The following AK4 variants were observed in gnomAD, a reference collection of about 807,000 sequenced individuals.
AK4 encodes the protein adenylate kinase 4, mitochondrial.
Under a neutral mutation model 24.6 loss-of-function variants are expected in AK4, and 13 were observed. The ratio of observed to expected loss-of-function variants is 0.53; its 90% CI spans 0.34 to 0.84. The LOEUF (loss-of-function observed/expected upper bound fraction) is 0.84, where lower values mean the gene tolerates loss of function less well. Among genes scored for constraint, AK4 ranks in the 40% least tolerant of loss-of-function variants. The pLI is 0.01. For missense variants in AK4, 192 were observed against 288.2 expected (o/e 0.67, Z 2.42); for synonymous variants, 88 against 107.0 (o/e 0.82, Z 1.10).
intron 1 of AK4, among the ~76,000 whole-genome samples, chr1:65,187,273 A>G (rs998534774): frequency 8.2e-5 from 12 of 146,808 alleles, no homozygotes; most frequent in Admixed American, 2.8e-4. Context: ...GTGTGAACCC[A>G]GGAGGCAGAG....
intron 3 of AK4, among the ~76,000 whole-genome samples, chr1:65,221,083 A>G (rs1211964751): frequency 6.6e-6 from 1 of 152,220 alleles, no homozygotes; most frequent in East Asian, 1.9e-4. Context: ...GTGTAAAGGT[A>G]TATGTGTAAA....
chr1:65,174,972 C>T (rs935852343), intron 1 of AK4, among the ~76,000 whole-genome samples: 3 of 151,916 alleles, frequency 2.0e-5, no homozygotes, highest in African/African-American at 7.3e-5. Flanking sequence ...TTAATGTGCT[C>T]CATGGTAGGA....
chr1:65,216,860 A>G (rs1169218130), intron 2 of AK4, among the ~76,000 whole-genome samples: 1 of 123,948 alleles, frequency 8.1e-6, no homozygotes, highest in Non-Finnish European at 1.5e-5. Flanking sequence ...CAGTAAAAGC[A>G]ATTTTTTAAT....
At position 65,224,464 on chromosome 1, in the gene AK4, A is replaced by G. The variant is rs534273272; in HGVS notation, c.439-288A>G. Among the ~76,000 whole-genome samples, 6 of 152,324 alleles carry G rather than the reference A, an allele frequency of 3.9e-5. No homozygotes were observed. The East Asian group carries it at 9.7e-4, about 25-fold the overall frequency. ...TTTGTTGTTAGGAGAGGTTGCATGC[A>G]ATTTTAGGCTGAATTGAAAGTACCA... On this transcript the variant is annotated intron_variant, in intron 3 of 4. Coordinates refer to ENST00000327299, the MANE Select transcript of AK4 (RefSeq NM_013410.4).
At chr1:65,175,492 G>A (rs1210036148) in intron 1 of AK4, among the ~76,000 whole-genome samples, 1 of 152,234 alleles carries the variant, frequency 6.6e-6, no homozygotes, top group African/African-American at 2.4e-5. Flanking sequence ...CCAACAAGGT[G>A]CATGGCACAG....
intron 1 of AK4, among the ~76,000 whole-genome samples, chr1:65,165,757 G>A (rs1009670160): frequency 2.6e-5 from 4 of 152,100 alleles, no homozygotes; most frequent in African/African-American, 4.8e-5. Flanking sequence ...GTTTAGATGC[G>A]GTCTAGGGTA....
chr1:65,192,163 TA>T (rs1321989456), intron 2 of AK4, among the ~76,000 whole-genome samples: 1 of 152,208 alleles, frequency 6.6e-6, no homozygotes, highest in Non-Finnish European at 1.5e-5. Flanking sequence ...GGGCAATTTA[TA>T]AAGAAAAGAA....
intron 2 of AK4, among the ~76,000 whole-genome samples, chr1:65,211,696 G>A (rs755803713): frequency 5.9e-5 from 9 of 152,080 alleles, no homozygotes; most frequent in Non-Finnish European, 8.8e-5. Context: ...ATTTTCATTC[G>A]GCACTTACTG....
chr1:65,173,565 C>A (rs1171660729), intron 1 of AK4, among the ~76,000 whole-genome samples: 1 of 152,162 alleles, frequency 6.6e-6, no homozygotes, highest in Non-Finnish European at 1.5e-5. Flanking sequence ...CCATGTTGGA[C>A]CCGACCCTCC....
At chr1:65,172,100 TA>T (rs1387513235) in intron 1 of AK4, among the ~76,000 whole-genome samples, 30 of 102,478 alleles carry the variant, frequency 2.9e-4, no homozygotes, top group African/African-American at 7.0e-4. Flanking sequence ...TATATATATA[TA>T]TATTTAAACT....
At chr1:65,205,479 C>T (rs555289766) in intron 2 of AK4, among the ~76,000 whole-genome samples, 1 of 152,316 alleles carries the variant, frequency 6.6e-6, no homozygotes, top group Non-Finnish European at 1.5e-5. Flanking sequence ...AGCAATCTTC[C>T]TGCCTCAGCT....
chr1:65,216,473 C>T (rs1055887362), intron 2 of AK4, among the ~76,000 whole-genome samples: 6 of 152,146 alleles, frequency 3.9e-5, no homozygotes, highest in African/African-American at 7.2e-5. Flanking sequence ...CCCTGCCTCC[C>T]GCTTCCCCAA....
intron 2 of AK4, among the ~76,000 whole-genome samples, chr1:65,210,830 G>C (rs921322594): frequency 1.1e-4 from 16 of 152,114 alleles, no homozygotes; most frequent in African/African-American, 3.1e-4. Flanking sequence ...TTTACATATA[G>C]TAATTTGCTT....
At chr1:65,159,344 A>G (rs1650079314) in intron 1 of AK4, among the ~76,000 whole-genome samples, 1 of 152,256 alleles carries the variant, frequency 6.6e-6, no homozygotes, top group Non-Finnish European at 1.5e-5. Flanking sequence ...ACAAATAAAT[A>G]AATGGCCTCA....
At chr1:65,190,407 C>T (rs1394676956) in intron 1 of AK4, among the ~76,000 whole-genome samples, 2 of 144,548 alleles carry the variant, frequency 1.4e-5, no homozygotes. Context: ...GAAGTACAGG[C>T]ACGAGCCACA....
At chr1:65,183,677 G>A (rs1191097099) in intron 1 of AK4, among the ~76,000 whole-genome samples, 1 of 151,510 alleles carries the variant, frequency 6.6e-6, no homozygotes, top group Non-Finnish European at 1.5e-5. Flanking sequence ...GTGTGTGTGT[G>A]TGTGTGTGTG....
intron 2 of AK4, among the ~76,000 whole-genome samples, chr1:65,210,255 G>C (rs933867951): frequency 6.6e-6 from 1 of 152,088 alleles, no homozygotes; most frequent in Non-Finnish European, 1.5e-5. Context: ...TATCCCCAGG[G>C]CCTCTGTGAC....
At position 65,218,350 on chromosome 1, in the gene AK4, A is replaced by G. The variant is rs147264840; in HGVS notation, c.266-404A>G. On this transcript the variant is annotated intron_variant, in intron 2 of 4. Coordinates refer to ENST00000327299, the MANE Select transcript of AK4 (RefSeq NM_013410.4). The stretch of plus-strand genomic sequence containing the variant: ...GTGACACAGGTAGTTAAGAGCAGAG[A>G]AAGGACTAGAGCCAGGACTGGTTTA... Among the ~76,000 whole-genome samples, 153 of 152,346 alleles carry G rather than the reference A, an allele frequency of 1.0e-3. 1 individual carries two copies. The highest frequency in any genetic ancestry group is 3.5e-3 in the African/African-American group (147 of 41,588).
At chr1:65,212,223 TG>T (rs1283160136) in intron 2 of AK4, among the ~76,000 whole-genome samples, 1 of 152,178 alleles carries the variant, frequency 6.6e-6, no homozygotes, top group Admixed American at 6.5e-5. Flanking sequence ...AAATGGTAAC[TG>T]TGTTATAAGG....
Sources: allele counts gnomAD v4.1 joint callset (sites outside exome capture counted in the v4.1 genomes callset), GRCh38; gene constraint gnomAD v4.1.1; transcripts MANE v1.5; gene names NCBI Gene and HGNC (gene_info 2026-07-23, HGNC 2026-07-21).